Variants in LEF1 observed in about 807,000 individuals in gnomAD.
The protein encoded by LEF1 is lymphoid enhancer-binding factor 1.
LEF1 carries 14 observed loss-of-function variants against 51.2 expected under a neutral mutation model. The observed-to-expected ratio is 0.27, with a 90% confidence interval of 0.18 to 0.43. The LOEUF (loss-of-function observed/expected upper bound fraction) is 0.43. Among genes scored for constraint, LEF1 ranks in the 20% least tolerant of loss-of-function variants. The pLI, the probability that LEF1 is intolerant of heterozygous loss-of-function variation, is 1.00. For missense variants in LEF1, 386 were observed against 512.0 expected (o/e 0.75, Z 2.37); for synonymous variants, 185 against 183.2 (o/e 1.01, Z -0.08).
rs1213806042 is a variant in LEF1 at position 108,070,468 on chromosome 4, C to T, written c.1116+195G>A. Reference sequence around the variant, plus strand: ...TTTTATTTAAAAGCATTCATTAGCACCCATAGCAAAAAAAAAAAGATAGCT... The same window carrying T: ...TTTTATTTAAAAGCATTCATTAGCATCCATAGCAAAAAAAAAAAGATAGCT... On this transcript the variant is annotated intron_variant, in intron 9 of 11. Transcript: ENST00000265165. The T allele has an allele frequency of 9.8e-6, 4 of 408,968 alleles. No individual in the cohort carries two copies. In the Admixed American group the frequency reaches 1.2e-4, roughly 12 times the overall value. The allele number at this position is 408,968 out of a possible 1,614,324, so 25.3% of individuals were successfully genotyped here.
intron 3 of LEF1, among the ~76,000 whole-genome samples, chr4:108,161,134 G>T (rs955033382): frequency 5.9e-5 from 9 of 152,196 alleles, no homozygotes; most frequent in African/African-American, 1.9e-4. Flanking sequence ...CAAGAAGGCA[G>T]AAGTGTGGTT....
Position 108,063,669 on chromosome 4 carries a change from G to A in LEF1, c.1166-6C>T, listed in dbSNP as rs1344380350. On this transcript the variant is annotated splice_polypyrimidine_tract_variant and splice_region_variant and intron_variant, in intron 10 of 11. Coordinates refer to ENST00000265165, the MANE Select transcript of LEF1 (RefSeq NM_016269.5). ...TGTCATTCTTGGACCTGTACCTGCA[G>A]AAAATTGTGTCTTTAACAAATTTTT... 6 of 1,591,290 alleles carry A rather than the reference G, an allele frequency of 3.8e-6. No individual in the cohort carries two copies. Among genetic ancestry groups the A allele is most frequent in the Non-Finnish European group, 5.1e-6 (6 of 1,173,162 alleles).
chr4:108,081,799 T>C (rs550392557), intron 5 of LEF1, 130 bp from the exon 6 acceptor site: 3 of 667,364 alleles, frequency 4.5e-6, no homozygotes, highest in South Asian at 3.6e-5. Context: ...GACCCCGGGA[T>C]TGTTTCAGAA....
chr4:108,119,118 G>T (rs1578364927), intron 3 of LEF1, among the ~76,000 whole-genome samples: 1 of 146,932 alleles, frequency 6.8e-6, no homozygotes, highest in African/African-American at 2.5e-5. Flanking sequence ...TTTCAAGCAG[G>T]TCAGCTATAC....
intron 11 of LEF1, among the ~76,000 whole-genome samples, chr4:108,055,004 T>G (rs1035510057): frequency 6.6e-6 from 1 of 152,226 alleles, no homozygotes; most frequent in African/African-American, 2.4e-5. Context: ...TGAAGAACAC[T>G]GCTGAGGAAA....
intron 3 of LEF1, among the ~76,000 whole-genome samples, chr4:108,099,011 A>G (rs1328931944): frequency 1.3e-5 from 2 of 152,196 alleles, no homozygotes; most frequent in Non-Finnish European, 2.9e-5. Context: ...CGAGCCCTTG[A>G]AAGGTGGCTA....
intron 3 of LEF1, among the ~76,000 whole-genome samples, chr4:108,092,833 G>T (rs1025953071): frequency 1.3e-5 from 2 of 148,392 alleles, no homozygotes; most frequent in Non-Finnish European, 3.0e-5. Flanking sequence ...CACAGATAAG[G>T]TCTCTAATTC....
At chr4:108,163,821 C>T (rs1745221750) in intron 2 of LEF1, 120 bp from the exon 3 acceptor site, 3 of 998,034 alleles carry the variant, frequency 3.0e-6, no homozygotes, top group African/African-American at 1.6e-5. Context: ...GATTTGTTTA[C>T]AAAATACTGT....
chr4:108,137,856 C>T (rs1743397716), intron 3 of LEF1, among the ~76,000 whole-genome samples: 1 of 151,980 alleles, frequency 6.6e-6, no homozygotes, highest in Non-Finnish European at 1.5e-5. Flanking sequence ...ATATAACATG[C>T]CAAAATATAA....
chr4:108,122,389 T>A (rs1742236033), intron 3 of LEF1, among the ~76,000 whole-genome samples: 1 of 152,220 alleles, frequency 6.6e-6, no homozygotes, highest in Admixed American at 6.5e-5. Context: ...TTCATAATTT[T>A]CCTTTTGGTC....
At chr4:108,158,942 T>G (rs114803275) in intron 3 of LEF1, among the ~76,000 whole-genome samples, 3 of 151,954 alleles carry the variant, frequency 2.0e-5, no homozygotes, top group Non-Finnish European at 4.4e-5. Context: ...AAAAGCAAGA[T>G]TTTTGCGGAT....
intron 3 of LEF1, among the ~76,000 whole-genome samples, chr4:108,161,146 G>A (rs563814985): frequency 1.4e-4 from 21 of 152,258 alleles, no homozygotes; most frequent in African/African-American, 5.1e-4. Context: ...AGTGTGGTTA[G>A]GGGTGAAGAA....
intron 8 of LEF1, among the ~76,000 whole-genome samples, chr4:108,076,121 A>G (rs116480763): frequency 2.0e-4 from 30 of 152,084 alleles, no homozygotes; most frequent in East Asian, 5.8e-4. Flanking sequence ...GTCTCTACTT[A>G]CTCTCACATC....
At chr4:108,098,065 G>C (rs570092879) in intron 3 of LEF1, among the ~76,000 whole-genome samples, 1 of 152,236 alleles carries the variant, frequency 6.6e-6, no homozygotes, top group Non-Finnish European at 1.5e-5. Context: ...GATTTCCTCA[G>C]AACCTCATCA....
intron 3 of LEF1, among the ~76,000 whole-genome samples, chr4:108,152,078 A>G (rs1056960305): frequency 2.6e-5 from 4 of 152,174 alleles, no homozygotes; most frequent in Admixed American, 6.5e-5. Flanking sequence ...AAACATGGCT[A>G]CAGAGCTCTG....
chr4:108,086,141 A>G (rs147866633), intron 4 of LEF1, among the ~76,000 whole-genome samples: 51 of 152,354 alleles, frequency 3.3e-4, no homozygotes, highest in African/African-American at 1.2e-3. Flanking sequence ...TAAATAGGTC[A>G]CTGTCCTTTA....
intron 11 of LEF1, among the ~76,000 whole-genome samples, chr4:108,062,261 G>A (rs947982300): frequency 6.6e-6 from 1 of 152,182 alleles, no homozygotes; most frequent in African/African-American, 2.4e-5. Flanking sequence ...AGTTCTAAAA[G>A]TTTAGGTAAG....
chr4:108,163,792 A>G, intron 2 of LEF1, 91 bp from the exon 3 acceptor site: 1 of 1,311,720 alleles, frequency 7.6e-7, no homozygotes, highest in Non-Finnish European at 1.0e-6. Flanking sequence ...TTCTAAGATA[A>G]ATCAGACCCT....
At chr4:108,064,005 T>C (rs1207746480) in intron 10 of LEF1, among the ~76,000 whole-genome samples, 9 of 152,124 alleles carry the variant, frequency 5.9e-5, no homozygotes, top group African/African-American at 1.7e-4. Flanking sequence ...TAAGGAGTTA[T>C]ATAACATAGT....
Sources: allele counts gnomAD v4.1 joint callset (sites outside exome capture counted in the v4.1 genomes callset), GRCh38; gene constraint gnomAD v4.1.1; transcripts MANE v1.5; gene names NCBI Gene and HGNC (gene_info 2026-07-23, HGNC 2026-07-21).